Variants in LGR6 observed in about 807,000 individuals in gnomAD.
LGR6 encodes the protein leucine rich repeat containing G protein-coupled receptor 6, also known as leucine-rich repeat-containing G protein-coupled receptor 6.
Under a neutral mutation model 69.4 loss-of-function variants are expected in LGR6, and 45 were observed. The observed-to-expected ratio is 0.65, with a 90% CI of 0.51 to 0.83. The LOEUF (loss-of-function observed/expected upper bound fraction) is 0.83, where lower values mean the gene tolerates loss of function less well. LGR6 is among the 40% of genes least tolerant of loss of function. The pLI is 0.00. For synonymous variants in LGR6, 538 were observed against 555.0 expected, an observed-to-expected ratio of 0.97 and a Z score of 0.43; for missense variants, 1,108 against 1,246.7, an observed-to-expected ratio of 0.89 and a Z score of 1.68.
chr1:202,231,981 A>C (rs111746064), intron 3 of LGR6, among the ~76,000 whole-genome samples: 2,927 of 152,176 alleles, frequency 0.019, 109 homozygotes, highest in African/African-American at 0.067. Flanking sequence ...AATCCCAGCT[A>C]CTTAGGAGGC....
intron 5 of LGR6, among the ~76,000 whole-genome samples, chr1:202,278,443 C>T (rs1189063021): frequency 6.6e-6 from 1 of 151,952 alleles, no homozygotes; most frequent in Non-Finnish European, 1.5e-5. Context: ...CCACTGAGGA[C>T]AAGGAGGGAC....
chr1:202,307,500 C>A, intron 14 of LGR6, 99 bp downstream of exon 14: 2 of 973,524 alleles, frequency 2.1e-6, no homozygotes, highest in Non-Finnish European at 3.3e-6. Context: ...CAGGAACATG[C>A]ATATCCCAGG....
At chr1:202,276,253 C>A in intron 4 of LGR6, 53 bp from the exon 5 acceptor site, 1 of 1,489,626 alleles carries the variant, frequency 6.7e-7, no homozygotes. Context: ...AGCCCCAAAG[C>A]TTGGTCTGCA....
At chr1:202,253,795 ATTTTTTTTTTTTTT>A (rs71141469) in intron 4 of LGR6, among the ~76,000 whole-genome samples, 1 of 47,960 alleles carries the variant, frequency 2.1e-5, no homozygotes, top group Non-Finnish European at 4.0e-5. Flanking sequence ...CGCCTGGCTA[ATTTTTTTTTTTTTT>A]TTTTTTTTTT....
At chr1:202,273,302 TGCCCC>T (rs1665259553) in intron 4 of LGR6, among the ~76,000 whole-genome samples, 1 of 152,200 alleles carries the variant, frequency 6.6e-6, no homozygotes, top group African/African-American at 2.4e-5. Context: ...AAGGAGGTAC[TGCCCC>T]TCTTAGGGAG....
chr1:202,222,595 G>A (rs539859797), intron 1 of LGR6, among the ~76,000 whole-genome samples: 31 of 151,650 alleles, frequency 2.0e-4, no homozygotes, highest in Admixed American at 7.9e-4. Context: ...ATTTTTTTTC[G>A]GCACCTCGAG....
At chr1:202,317,790 G>A (rs1441417134) in intron 17 of LGR6, among the ~76,000 whole-genome samples, 162 bp from the exon 18 acceptor site, 1 of 152,204 alleles carries the variant, frequency 6.6e-6, no homozygotes, top group Non-Finnish European at 1.5e-5. Context: ...TCTGGGGCCA[G>A]AAACAGGGTC....
intron 5 of LGR6, among the ~76,000 whole-genome samples, chr1:202,280,406 C>G (rs1378986307): frequency 6.6e-6 from 1 of 152,124 alleles, no homozygotes; most frequent in Non-Finnish European, 1.5e-5. Flanking sequence ...TACGTCTGGC[C>G]ACTGAGTCAG....
chr1:202,315,572 G>A (rs1222118622), intron 17 of LGR6, among the ~76,000 whole-genome samples: 2 of 152,210 alleles, frequency 1.3e-5, no homozygotes, highest in Non-Finnish European at 2.9e-5. Context: ...GTGGCAAGCA[G>A]CATGCTACTT....
intron 6 of LGR6, among the ~76,000 whole-genome samples, chr1:202,283,197 G>A (rs1406628130): frequency 1.3e-5 from 2 of 152,126 alleles, no homozygotes; most frequent in Non-Finnish European, 2.9e-5. Context: ...TCCTCTGAGG[G>A]CCTCCATCTC....
intron 4 of LGR6, among the ~76,000 whole-genome samples, chr1:202,275,083 G>A (rs370902743): frequency 9.9e-5 from 15 of 152,158 alleles, no homozygotes; most frequent in Admixed American, 3.3e-4. Context: ...TTGTGCTGTT[G>A]GGATGAAAGA....
In LGR6 at chr1:202,230,924, C is replaced by T. The variant is rs1257601646; in HGVS notation, c.356+2917C>T. Among the ~76,000 whole-genome samples, 3 of 152,310 alleles carry T rather than the reference C, an allele frequency of 2.0e-5. No individual in the cohort carries two copies. The East Asian group carries it at 5.8e-4, about 29-fold the overall frequency. On this transcript the variant is annotated intron_variant, in intron 3 of 17. Transcript: ENST00000367278. ...GGTAACAGTCTGAGGACCTGCCTCCCGTCCTGCCCTCAAGAGACTGGGCAG... is the reference window on the plus strand; with the variant it reads ...GGTAACAGTCTGAGGACCTGCCTCCTGTCCTGCCCTCAAGAGACTGGGCAG...
At chr1:202,196,960 G>A in intron 1 of LGR6, 1 of 514,666 alleles carries the variant, frequency 1.9e-6, no homozygotes, top group Admixed American at 2.1e-5. Context: ...GAGGGAGAGT[G>A]GGGACTTAGG....
At chr1:202,238,077 TTTG>T (rs1449976669) in intron 4 of LGR6, among the ~76,000 whole-genome samples, 3 of 151,968 alleles carry the variant, frequency 2.0e-5, no homozygotes, top group Admixed American at 6.6e-5. Flanking sequence ...CCGCCGTTTT[TTTG>T]TTTTGTTTTG....
At chr1:202,298,447 G>T in intron 7 of LGR6, among the ~76,000 whole-genome samples, 1 of 152,034 alleles carries the variant, frequency 6.6e-6, no homozygotes, top group East Asian at 1.9e-4. Flanking sequence ...GAGCTCTATC[G>T]TACAGCTAGA....
In LGR6 at chr1:202,314,894, T is replaced by C. The variant is rs1317791998; in HGVS notation, c.1648+12T>C. The stretch of plus-strand genomic sequence containing the variant: ...TAGCCCTACTCCAGGTGAGGTGGTG[T>C]CTGGGGAATGGGGACGAGGGGGAAT... On this transcript the variant is annotated intron_variant, in intron 17 of 17. Transcript: ENST00000367278. The C allele has an allele frequency of 6.2e-7, 1 of 1,606,630 alleles. No individual in the cohort carries two copies. Among genetic ancestry groups the C allele is most frequent in the Non-Finnish European group, 8.5e-7 (1 of 1,173,350 alleles).
chr1:202,234,473 C>T (rs1291328354), intron 3 of LGR6, among the ~76,000 whole-genome samples: 1 of 152,210 alleles, frequency 6.6e-6, no homozygotes, highest in Non-Finnish European at 1.5e-5. Flanking sequence ...CAGGACGTCA[C>T]ATAGGAGGCA....
intron 1 of LGR6, among the ~76,000 whole-genome samples, chr1:202,215,147 T>A (rs28612903): frequency 1.3e-5 from 2 of 151,958 alleles, no homozygotes; most frequent in Non-Finnish European, 2.9e-5. Context: ...GGACTCTGAA[T>A]AGAGGGCTTT....
chr1:202,214,054 G>C (rs1277186775), intron 1 of LGR6: 2 of 1,342,228 alleles, frequency 1.5e-6, no homozygotes, highest in East Asian at 6.3e-5. Context: ...GCTATCCAGA[G>C]GGAAGGGCAT....
Sources: gnomAD v4.1 joint callset for allele counts (sites outside exome capture counted in the v4.1 genomes callset) on GRCh38, gnomAD v4.1.1 for gene constraint, MANE v1.5 for transcripts, NCBI Gene and HGNC (gene_info 2026-07-23, HGNC 2026-07-21) for gene names.